PTGER4: variants seen among roughly 807,000 people sequenced by gnomAD.
The protein encoded by PTGER4 is prostaglandin E receptor 4.
Under a neutral mutation model 33.2 loss-of-function variants are expected in PTGER4, and 11 were observed. The ratio of observed to expected loss-of-function variants is 0.33; its 90% CI spans 0.21 to 0.55. The LOEUF (loss-of-function observed/expected upper bound fraction) is 0.55. PTGER4 is among the 20% of genes least tolerant of loss of function. The pLI, the probability that PTGER4 is intolerant of heterozygous loss-of-function variation, is 0.92. For missense variants in PTGER4, 481 were observed against 650.2 expected (o/e 0.74, Z 2.83); for synonymous variants, 275 against 281.5 (o/e 0.98, Z 0.23).
rs1279623317 is a variant in PTGER4 at position 40,692,648 on chromosome 5, C to CTAGA, written c.*274_*277dup. 8.5e-7 allele frequency: 1 copy of CTAGA among 1,170,446 alleles called. No homozygotes were observed. The highest frequency in any genetic ancestry group is 1.1e-6 in the Non-Finnish European group (1 of 945,108). The allele number at this position is 1,170,446 out of a possible 1,614,324, so 72.5% of individuals were successfully genotyped here. A position where few individuals can be genotyped will look rare whatever the true frequency, so the allele number is the denominator to read the frequency against. On this transcript the variant is annotated 3_prime_UTR_variant, in exon 3 of 3. Coordinates refer to ENST00000302472, the MANE Select transcript of PTGER4 (RefSeq NM_000958.3). ...CGAAGACCTACCCTCCGTTTTTCTA[C>CTAGA]TAGATAGGAGGATGGTAGAAGTTTG...
In PTGER4 at chr5:40,686,906, T is replaced by G. The variant is rs189450195; in HGVS notation, c.868-4873T>G. ...GAGTGAGACCCTTTCTAAAAGAAAA[T>G]AAAATAATTTAGAATACTGTAATAT... On this transcript the variant is annotated intron_variant, in intron 2 of 2. Coordinates refer to ENST00000302472, the MANE Select transcript of PTGER4 (RefSeq NM_000958.3). Among the ~76,000 whole-genome samples the G allele has an allele frequency of 3.1e-4, 47 of 152,154 alleles. 1 individual carries two copies. Among genetic ancestry groups the G allele is most frequent in the African/African-American group, 1.0e-3 (43 of 41,508 alleles).
chr5:40,735,913 T>C, the PTGER4 span, among the ~76,000 whole-genome samples: 1 of 152,162 alleles, frequency 6.6e-6, no homozygotes, highest in African/African-American at 2.4e-5. Flanking sequence ...TATGACTGGA[T>C]GGTTCATCAA....
chr5:40,714,936 T>C, the PTGER4 span: 1 of 152,138 alleles, frequency 6.6e-6, no homozygotes, highest in African/African-American at 2.4e-5. Flanking sequence ...TCTATATTAT[T>C]GTACTACAAT....
chr5:40,732,838 C>A, the PTGER4 span, among the ~76,000 whole-genome samples: 1 of 152,040 alleles, frequency 6.6e-6, no homozygotes, highest in African/African-American at 2.4e-5. Flanking sequence ...GAACTCTTGA[C>A]CTCAACTGAT....
the PTGER4 span, chr5:40,714,789 A>C: frequency 6.6e-6 from 1 of 152,272 alleles, no homozygotes; most frequent in Non-Finnish European, 1.5e-5. Flanking sequence ...CTTCATAAAA[A>C]ATGTAGATCA....
At chr5:40,703,995 C>G in the PTGER4 span, among the ~76,000 whole-genome samples, 5 of 140,324 alleles carry the variant, frequency 3.6e-5, no homozygotes, top group Non-Finnish European at 7.6e-5. Context: ...AGGCCATCAT[C>G]AGCTTAATAC....
chr5:40,687,538 C>T (rs1384817842), intron 2 of PTGER4, among the ~76,000 whole-genome samples: 4 of 152,204 alleles, frequency 2.6e-5, no homozygotes, highest in Admixed American at 1.3e-4. Flanking sequence ...TGTCCCTGCC[C>T]TCTTGGAAAC....
chr5:40,681,225 G>A lies in PTGER4; in HGVS notation c.232G>A (p.Ala78Thr), dbSNP rs1052579783. The A allele has an allele frequency of 5.0e-6, 8 of 1,613,964 alleles. No individual in the cohort carries two copies. In the African/African-American group the frequency reaches 1.1e-4, roughly 22 times the overall value. ...TTTGTTGGTGAGCCCGGTGACCATC[G>A]CCACGTACATGAAGGGCCAATGGCC... ...GTLLVSPVTI[A>T]TYMKGQWPGG... Residue 78 changes from alanine to threonine, a missense_variant, in exon 2 of 3, where the codon GCC becomes ACC. Ala to Thr is a moderately conservative substitution (Grantham distance 58). This residue lies in a region of PTGER4 where 61 missense variants were observed against 145.2 expected (regional missense o/e 0.42). Transcript: ENST00000302472. The surrounding 1 kb of genome is among the most constrained non-coding windows in gnomAD (Gnocchi z 9.8).
Position 40,693,165 on chromosome 5 carries a change from T to G in PTGER4, c.*787T>G. 1 of 970,778 alleles carries G rather than the reference T, an allele frequency of 1.0e-6. No individual in the cohort carries two copies. The highest frequency in any genetic ancestry group is 1.2e-6 in the Non-Finnish European group (1 of 816,236). 60.1% of individuals were successfully genotyped at this position (970,778 alleles called of 1,614,324 possible). A position where few individuals can be genotyped will look rare whatever the true frequency, so the allele number is the denominator to read the frequency against. ...TGAAAATTGTTTAGTGATATTACAT[T>G]TATTTATCCAGAAAACTGTGATTTC... On this transcript the variant is annotated 3_prime_UTR_variant, in exon 3 of 3. Coordinates refer to ENST00000302472, the MANE Select transcript of PTGER4 (RefSeq NM_000958.3).
At chr5:40,731,952 T>A in the PTGER4 span, among the ~76,000 whole-genome samples, 1 of 152,236 alleles carries the variant, frequency 6.6e-6, no homozygotes, top group Admixed American at 6.5e-5. Flanking sequence ...TTATTTAACA[T>A]ACAATTATTT....
chr5:40,695,663 G>T (rs953425698), downstream of PTGER4, among the ~76,000 whole-genome samples: 1 of 152,184 alleles, frequency 6.6e-6, no homozygotes, highest in African/African-American at 2.4e-5. Flanking sequence ...AGTGAGCCAA[G>T]ATCGGCCACT....
intron 2 of PTGER4, among the ~76,000 whole-genome samples, chr5:40,684,229 A>G (rs1417833209): frequency 2.0e-5 from 3 of 147,796 alleles, no homozygotes; most frequent in African/African-American, 5.0e-5. Context: ...ATGTTTTCAT[A>G]TTCATGTTGT....
the PTGER4 span, among the ~76,000 whole-genome samples, chr5:40,746,366 A>T: frequency 6.6e-6 from 1 of 152,220 alleles, no homozygotes; most frequent in Admixed American, 6.5e-5. Flanking sequence ...TAAATGGCAA[A>T]GAATAACTAA....
At chr5:40,737,515 T>C in the PTGER4 span, among the ~76,000 whole-genome samples, 14 of 152,182 alleles carry the variant, frequency 9.2e-5, no homozygotes, top group African/African-American at 3.1e-4. Flanking sequence ...TATAAAGATA[T>C]ATGAAACGAA....
chr5:40,717,221 C>T, the PTGER4 span, among the ~76,000 whole-genome samples: 1 of 128,142 alleles, frequency 7.8e-6, no homozygotes, highest in Admixed American at 8.2e-5. Flanking sequence ...AAGAGCAAAA[C>T]TCCATCTCAA....
chr5:40,717,608 G>T, the PTGER4 span, among the ~76,000 whole-genome samples: 1 of 152,178 alleles, frequency 6.6e-6, no homozygotes, highest in South Asian at 2.1e-4. Context: ...TCCTTTCCTA[G>T]TTGTGATAAA....
chr5:40,716,235 A>G, the PTGER4 span: 14 of 1,614,076 alleles, frequency 8.7e-6, no homozygotes, highest in Middle Eastern at 3.3e-4. Context: ...AAGCAGACAC[A>G]ATAACCATTG....
chr5:40,687,460 G>A (rs567322948), intron 2 of PTGER4, among the ~76,000 whole-genome samples: 4 of 152,266 alleles, frequency 2.6e-5, no homozygotes, highest in South Asian at 2.1e-4. Flanking sequence ...CAAGAATTCC[G>A]AAAAGTGCTT....
At position 40,692,404 on chromosome 5, in the gene PTGER4, G is replaced by A; in HGVS notation, c.*26G>A. ...TAGGCAAGGAAAGAAATACAGTACT[G>A]TTTCTGGACCCTTATAAAATCCTGT... On this transcript the variant is annotated 3_prime_UTR_variant, in exon 3 of 3. Transcript: ENST00000302472. 6 of 1,547,766 alleles carry A rather than the reference G, an allele frequency of 3.9e-6. No homozygotes were observed. Among genetic ancestry groups the A allele is most frequent in the Non-Finnish European group, 5.2e-6 (6 of 1,147,874 alleles).
Sources: allele counts gnomAD v4.1 joint callset (sites outside exome capture counted in the v4.1 genomes callset), GRCh38; gene constraint gnomAD v4.1.1; regional missense constraint gnomAD v4.1.1; non-coding constraint Gnocchi (gnomAD v3.1); transcripts MANE v1.5; gene names NCBI Gene and HGNC (gene_info 2026-07-23, HGNC 2026-07-21).